Variants in NIT2 observed in about 807,000 individuals in gnomAD.
NIT2 encodes the protein omega-amidase NIT2.
A neutral mutation model predicts 42.7 loss-of-function variants in NIT2; 46 were observed. That is an observed-to-expected ratio of 1.08 (90% CI 0.85 to 1.38). The LOEUF (loss-of-function observed/expected upper bound fraction) is 1.38, where lower values mean the gene tolerates loss of function less well. Among genes scored for constraint, NIT2 ranks in the 40% most tolerant of loss-of-function variants. NIT2 has a pLI of 0.00. For missense variants in NIT2, 309 were observed against 342.5 expected (o/e 0.90, Z 0.77); for synonymous variants, 123 against 121.9 (o/e 1.01, Z -0.06).
At chr3:100,336,367 G>A (rs767682313) in intron 1 of NIT2, among the ~76,000 whole-genome samples, 1 of 152,140 alleles carries the variant, frequency 6.6e-6, no homozygotes, top group East Asian at 1.9e-4. Flanking sequence ...GGTGTTTCTC[G>A]TTAGGTGGAA....
At position 100,355,432 on chromosome 3, in the gene NIT2, C is replaced by T; in HGVS notation, c.*164C>T. On this transcript the variant is annotated 3_prime_UTR_variant, in exon 10 of 10. Transcript: ENST00000394140. ...CTCATTATGCTGACATTTTCCACGC[C>T]ACATTAAATAGTTAAAAAGGATGCA... 1 of 554,922 alleles carries T rather than the reference C, an allele frequency of 1.8e-6. No homozygotes were observed. Among genetic ancestry groups the T allele is most frequent in the Non-Finnish European group, 3.2e-6 (1 of 316,622 alleles). The allele number at this position is 554,922 out of a possible 1,614,324, so 34.4% of individuals were successfully genotyped here.
intron 7 of NIT2, among the ~76,000 whole-genome samples, chr3:100,351,375 A>G (rs1706270688): frequency 6.6e-6 from 1 of 152,232 alleles, no homozygotes; most frequent in Admixed American, 6.5e-5. Context: ...GGCTACAGTA[A>G]TCAAAACAGC....
rs1277994584 is a variant in NIT2, at chr3:100,356,296, T to A, written c.*1028T>A. ...AAAGCCCTGATTTTGCTGCTTTTCA[T>A]GGTGTAAATACTTAACCATGGCTGA... On this transcript the variant is annotated 3_prime_UTR_variant, in exon 10 of 10. Transcript: ENST00000394140. The A allele has an allele frequency of 1.3e-5, 2 of 152,236 alleles. No homozygotes were observed. Among genetic ancestry groups the A allele is most frequent in the African/African-American group, 4.8e-5 (2 of 41,460 alleles). 9.4% of individuals were successfully genotyped at this position (152,236 alleles called of 1,614,324 possible). A position where few individuals can be genotyped will look rare whatever the true frequency, so the allele number is the denominator to read the frequency against.
intron 2 of NIT2, 76 bp from the exon 3 acceptor site, chr3:100,339,739 C>CTG (rs1706126269): frequency 2.1e-6 from 3 of 1,430,038 alleles, no homozygotes; most frequent in Non-Finnish European, 2.9e-6. Context: ...GAAGCAGCAG[C>CTG]TATGGCCTCT....
At chr3:100,346,549 A>G (rs933903837) in intron 6 of NIT2, among the ~76,000 whole-genome samples, 3 of 152,196 alleles carry the variant, frequency 2.0e-5, no homozygotes, top group South Asian at 2.1e-4. Flanking sequence ...CCCAGTAGAA[A>G]TGAAGTGGAT....
chr3:100,347,647 C>T (rs147405893), intron 6 of NIT2, among the ~76,000 whole-genome samples: 2,363 of 152,142 alleles, frequency 0.016, 33 homozygotes, highest in Non-Finnish European at 0.021. Flanking sequence ...CCAGGCTTTC[C>T]GTCCTTTTTT....
At chr3:100,344,733 C>T (rs959614728) in intron 4 of NIT2, among the ~76,000 whole-genome samples, 1 of 151,908 alleles carries the variant, frequency 6.6e-6, no homozygotes, top group Non-Finnish European at 1.5e-5. Context: ...GCAACCTCCA[C>T]CTCCCTGGTT....
At chr3:100,345,831 G>A (rs963536458) in intron 5 of NIT2, 153 bp downstream of exon 5, 3 of 631,804 alleles carry the variant, frequency 4.7e-6, no homozygotes, top group South Asian at 2.0e-5. Flanking sequence ...TGGAAAGTTC[G>A]GGCTTATTTG....
intron 4 of NIT2, among the ~76,000 whole-genome samples, chr3:100,342,440 T>A (rs1235819125): frequency 1.3e-5 from 2 of 152,082 alleles, no homozygotes; most frequent in Non-Finnish European, 2.9e-5. Flanking sequence ...TCATCTTTTC[T>A]GTATTATTTT....
intron 6 of NIT2, among the ~76,000 whole-genome samples, chr3:100,346,791 A>G (rs988678843): frequency 7.9e-5 from 12 of 152,152 alleles, no homozygotes; most frequent in Non-Finnish European, 1.8e-4. Context: ...TTAAGAAGAG[A>G]GAACCTATAA....
chr3:100,346,393 G>T (rs1706217612), intron 6 of NIT2, 138 bp downstream of exon 6: 2 of 706,648 alleles, frequency 2.8e-6, no homozygotes, highest in Admixed American at 2.6e-5. Flanking sequence ...CCCCCATGAG[G>T]CTTCCCAGAC....
At chr3:100,336,280 T>G (rs1330981074) in intron 1 of NIT2, among the ~76,000 whole-genome samples, 1 of 152,154 alleles carries the variant, frequency 6.6e-6, no homozygotes, top group Admixed American at 6.5e-5. Context: ...ATTTTCAGAC[T>G]CTGGAGCAGA....
intron 6 of NIT2, among the ~76,000 whole-genome samples, 197 bp downstream of exon 6, chr3:100,346,452 C>T (rs1419746531): frequency 6.6e-6 from 1 of 152,112 alleles, no homozygotes; most frequent in African/African-American, 2.4e-5. Flanking sequence ...TAATTAAACA[C>T]ATCATGTAGC....
chr3:100,334,839 G>GC (rs1706048561), intron 1 of NIT2, 41 bp downstream of exon 1: 4 of 1,209,022 alleles, frequency 3.3e-6, no homozygotes, highest in South Asian at 3.6e-5. Context: ...AGTTCGGGCC[G>GC]CGGGGGAGGC....
chr3:100,351,944 C>T (rs759280875), intron 7 of NIT2, among the ~76,000 whole-genome samples: 9 of 151,982 alleles, frequency 5.9e-5, no homozygotes, highest in Admixed American at 2.6e-4. Context: ...AAAAAGTGGG[C>T]GAAGGACATG....
chr3:100,360,721 C>T lies in NIT2; in HGVS notation c.*5453C>T, dbSNP rs1227515237. 6.6e-6 allele frequency: 1 copy of T among 152,204 alleles called. No homozygotes were observed. Among genetic ancestry groups the T allele is most frequent in the African/African-American group, 2.4e-5 (1 of 41,442 alleles). The allele number at this position is 152,204 out of a possible 1,614,324, so 9.4% of individuals were successfully genotyped here. A position where few individuals can be genotyped will look rare whatever the true frequency, so the allele number is the denominator to read the frequency against. On this transcript the variant is annotated 3_prime_UTR_variant, in exon 10 of 10. Transcript: ENST00000394140. ...TAAGCTTGAGATGCATAAAAGAACA[C>T]ATAGAGATGGGGAGTCAGTTCTCCA...
intron 1 of NIT2, 67 bp from the exon 2 acceptor site, chr3:100,339,020 C>T: frequency 8.9e-7 from 1 of 1,123,512 alleles, no homozygotes; most frequent in South Asian, 1.2e-5. Flanking sequence ...CATTTGAGAA[C>T]TATGGCTCTG....
At chr3:100,348,250 G>A (rs758621526) in intron 6 of NIT2, among the ~76,000 whole-genome samples, 50 of 152,172 alleles carry the variant, frequency 3.3e-4, no homozygotes, top group Non-Finnish European at 7.2e-4. Context: ...AGAAAAAGGT[G>A]GAGATTTCTC....
In NIT2 at chr3:100,355,427, C is replaced by G; in HGVS notation, c.*159C>G. On this transcript the variant is annotated 3_prime_UTR_variant, in exon 10 of 10. Transcript: ENST00000394140. ...AAAGCCTCATTATGCTGACATTTTC[C>G]ACGCCACATTAAATAGTTAAAAAGG... 1 of 569,400 alleles carries G rather than the reference C, an allele frequency of 1.8e-6. No individual in the cohort carries two copies. The highest frequency in any genetic ancestry group is 2.5e-5 in the South Asian group (1 of 40,160). The allele number at this position is 569,400 out of a possible 1,614,324, so 35.3% of individuals were successfully genotyped here.
Sources: allele counts gnomAD v4.1 joint callset (sites outside exome capture counted in the v4.1 genomes callset), GRCh38; gene constraint gnomAD v4.1.1; transcripts MANE v1.5; gene names NCBI Gene and HGNC (gene_info 2026-07-23, HGNC 2026-07-21).